Variants in DCN observed in about 807,000 individuals in gnomAD.
The protein encoded by DCN is decorin, also known as bone proteoglycan II.
Under a neutral mutation model 36.5 loss-of-function variants are expected in DCN, and 17 were observed. The ratio of observed to expected loss-of-function variants is 0.47; its 90% CI spans 0.32 to 0.70. The LOEUF (loss-of-function observed/expected upper bound fraction) is 0.70. Among genes scored for constraint, DCN ranks in the 30% least tolerant of loss-of-function variants. The pLI is 0.04. For synonymous variants in DCN, 163 were observed against 161.4 expected (o/e 1.01, Z -0.07); for missense variants, 389 against 430.1 (o/e 0.90, Z 0.84).
chr12:91,158,621 A>T, intron 3 of DCN, 112 bp from the exon 4 acceptor site: 1 of 722,032 alleles, frequency 1.4e-6, no homozygotes, highest in Non-Finnish European at 2.5e-6. Context: ...AATCTAAAAA[A>T]TTGCAAGAAA....
intron 1 of DCN, chr12:91,179,665 C>T (rs1396560485): frequency 6.6e-6 from 1 of 152,090 alleles, no homozygotes; most frequent in Non-Finnish European, 1.5e-5. Context: ...ACGATTTATT[C>T]CATTTGTTCC....
Position 91,151,875 on chromosome 12 carries a change from G to A in DCN, c.747-83C>T, listed in dbSNP as rs568812433. 64 of 1,549,138 alleles carry A rather than the reference G, an allele frequency of 4.1e-5. 1 individual carries two copies. The South Asian group carries it at 6.8e-4, about 16-fold the overall frequency. ...CATTGTGTAGTTAATCAAGTCTATA[G>A]GAAAGGACATTTTTTGTTTTTGCAC... On this transcript the variant is annotated intron_variant, in intron 6 of 7. Coordinates refer to ENST00000052754, the MANE Select transcript of DCN (RefSeq NM_001920.5).
chr12:91,168,523 G>A (rs542715599), intron 2 of DCN, among the ~76,000 whole-genome samples: 1 of 152,268 alleles, frequency 6.6e-6, no homozygotes, highest in East Asian at 1.9e-4. Context: ...TGCTCTGGCT[G>A]CTTTGAAAAC....
chr12:91,178,227 T>A, intron 2 of DCN, 115 bp downstream of exon 2: 1 of 896,892 alleles, frequency 1.1e-6, no homozygotes, highest in East Asian at 2.4e-5. Context: ...CCTCATTAGG[T>A]GGCACTGTCT....
At chr12:91,154,489 C>T (rs912582248) in intron 5 of DCN, among the ~76,000 whole-genome samples, 1 of 152,062 alleles carries the variant, frequency 6.6e-6, no homozygotes, top group Non-Finnish European at 1.5e-5. Flanking sequence ...CTATCACAAC[C>T]ATCGGCCTTA....
At chr12:91,153,622 T>G (rs1881577154) in intron 5 of DCN, among the ~76,000 whole-genome samples, 1 of 152,158 alleles carries the variant, frequency 6.6e-6, no homozygotes, top group Non-Finnish European at 1.5e-5. Context: ...CTTAATTGTC[T>G]ATTTCATTAA....
rs71097880 is a variant in DCN, at chr12:91,169,378, C to CTAAAAAAAAAAAAAAA, written c.212-4662_212-4661insTTTTTTTTTTTTTTTA. Among the ~76,000 whole-genome samples, 2 of 73,382 alleles carry CTAAAAAAAAAAAAAAA rather than the reference C, an allele frequency of 2.7e-5. 1 individual carries two copies. The highest frequency in any genetic ancestry group is 4.3e-4 in the Admixed American group (2 of 4,676). The allele number at this position is 73,382 out of a possible 152,430, so 48.1% of individuals were successfully genotyped here. A position where few individuals can be genotyped will look rare whatever the true frequency, so the allele number is the denominator to read the frequency against. On this transcript the variant is annotated intron_variant, in intron 2 of 7. Transcript: ENST00000052754. ...CCTAGGCAACAGGGGGAGATCCTGTCAAAAAAAAAAAAAAAAAAAAAAACC... is the reference window on the plus strand; with the variant it reads ...CCTAGGCAACAGGGGGAGATCCTGTCTAAAAAAAAAAAAAAAAAAAAAAAAAAAAAAAAAAAAAACC...
At chr12:91,147,483 C>T (rs1881102546) in intron 7 of DCN, among the ~76,000 whole-genome samples, 1 of 152,178 alleles carries the variant, frequency 6.6e-6, no homozygotes, top group African/African-American at 2.4e-5. Flanking sequence ...CTCCATGAGA[C>T]AAGAATGGTT....
chr12:91,175,020 A>G (rs1883204178), intron 2 of DCN: 2 of 152,100 alleles, frequency 1.3e-5, no homozygotes, highest in Admixed American at 1.3e-4. Flanking sequence ...AAAATAGAAA[A>G]TCCCATCAAA....
intron 7 of DCN, among the ~76,000 whole-genome samples, chr12:91,148,721 C>CAAAAAAAAAAA (rs5799978): frequency 0.012 from 580 of 49,432 alleles, 35 homozygotes; most frequent in African/African-American, 0.016. Flanking sequence ...CGCTCCGACT[C>CAAAAAAAAAAA]AAAAAAAAAA....
intron 5 of DCN, among the ~76,000 whole-genome samples, chr12:91,155,277 T>C (rs1881687883): frequency 1.3e-5 from 2 of 152,192 alleles, no homozygotes; most frequent in African/African-American, 2.4e-5. Flanking sequence ...ACAGGAATTA[T>C]AACCCTACTA....
intron 1 of DCN, among the ~76,000 whole-genome samples, chr12:91,180,029 G>A (rs564160211): frequency 2.7e-4 from 40 of 149,732 alleles, no homozygotes; most frequent in Non-Finnish European, 5.0e-4. Context: ...TGACAAAATC[G>A]TAATAAATCT....
chr12:91,152,959 T>C (rs929954784), intron 6 of DCN, 137 bp downstream of exon 6: 53 of 648,506 alleles, frequency 8.2e-5, no homozygotes, highest in East Asian at 7.5e-4. Context: ...ATGCTGAAGT[T>C]TGAGATTATA....
chr12:91,166,128 TATA>T (rs1236952990), intron 2 of DCN, among the ~76,000 whole-genome samples: 1 of 152,148 alleles, frequency 6.6e-6, no homozygotes, highest in Non-Finnish European at 1.5e-5. Flanking sequence ...TTTTTTTATT[TATA>T]ATATCACTGC....
In DCN at chr12:91,142,796, T is replaced by C. The variant is rs568456988; in HGVS notation, c.*3262A>G. 9.2e-5 allele frequency: 14 copies of C among 152,322 alleles called. No individual in the cohort carries two copies. Among genetic ancestry groups the C allele is most frequent in the African/African-American group, 2.9e-4 (12 of 41,572 alleles). The allele number at this position is 152,322 out of a possible 1,614,324, so 9.4% of individuals were successfully genotyped here. A position where few individuals can be genotyped will look rare whatever the true frequency, so the allele number is the denominator to read the frequency against. On this transcript the variant is annotated 3_prime_UTR_variant, in exon 8 of 8. Coordinates refer to ENST00000052754, the MANE Select transcript of DCN (RefSeq NM_001920.5). ...ACAAATTTTTAAGTTTCCAACCTTT[T>C]ATGTGAAGCACCCATAATCGAACAA...
chr12:91,161,941 C>A (rs906022188), intron 3 of DCN, among the ~76,000 whole-genome samples: 1 of 147,144 alleles, frequency 6.8e-6, no homozygotes, highest in Non-Finnish European at 1.5e-5. Context: ...TTTTATCTAC[C>A]AATTTTTTTT....
At chr12:91,151,864 T>C (rs929018668) in intron 6 of DCN, 72 bp from the exon 7 acceptor site, 2 of 1,579,528 alleles carry the variant, frequency 1.3e-6, no homozygotes, top group Non-Finnish European at 1.7e-6. Context: ...GTGTAGTTAA[T>C]CAAGTCTATA....
chr12:91,141,370 C>T lies in DCN; in HGVS notation c.*4688G>A, dbSNP rs1880750076. On this transcript the variant is annotated 3_prime_UTR_variant, in exon 8 of 8. Transcript: ENST00000052754. The stretch of plus-strand genomic sequence containing the variant: ...GCCTCTTTTCTTGGCTTGCTCCCTT[C>T]AGTTCTTCATCTCCCTGCTCAAATG... 1 of 152,248 alleles carries T rather than the reference C, an allele frequency of 6.6e-6. No individual in the cohort carries two copies. Among genetic ancestry groups the T allele is most frequent in the African/African-American group, 2.4e-5 (1 of 41,438 alleles). The allele number at this position is 152,248 out of a possible 1,614,324, so 9.4% of individuals were successfully genotyped here. A position where few individuals can be genotyped will look rare whatever the true frequency, so the allele number is the denominator to read the frequency against.
intron 3 of DCN, 90 bp downstream of exon 3, chr12:91,164,515 G>C: frequency 1.4e-6 from 1 of 702,648 alleles, no homozygotes; most frequent in East Asian, 2.8e-5. Flanking sequence ...TTCTTTGTTG[G>C]TACATAGTAC....
Sources: allele counts gnomAD v4.1 joint callset (sites outside exome capture counted in the v4.1 genomes callset), GRCh38; gene constraint gnomAD v4.1.1; transcripts MANE v1.5; gene names NCBI Gene and HGNC (gene_info 2026-07-23, HGNC 2026-07-21).